The following RIT2 variants were observed in gnomAD, a reference collection of about 807,000 sequenced individuals.
The protein encoded by RIT2 is Ras like without CAAX 2.
RIT2 carries 24 observed loss-of-function variants against 23.7 expected under a neutral mutation model. That is an observed-to-expected ratio of 1.01 (90% CI 0.73 to 1.43). The LOEUF is 1.43. Ranked by LOEUF, RIT2 falls within the 40% of genes most tolerant of loss-of-function variation. RIT2 has a pLI of 0.00. For missense variants in RIT2, 236 were observed against 266.9 expected, an observed-to-expected ratio of 0.88 and a Z score of 0.81; for synonymous variants, 107 against 91.1, an observed-to-expected ratio of 1.17 and a Z score of -0.99.
At chr18:43,006,797 T>C (rs896325284) in intron 2 of RIT2, among the ~76,000 whole-genome samples, 10 of 151,516 alleles carry the variant, frequency 6.6e-5, no homozygotes, top group African/African-American at 1.9e-4. Context: ...AAAACTATAA[T>C]TCAAGATGAT....
At chr18:42,804,515 ACTGCACTCCAGC>A (rs1905624535) in intron 4 of RIT2, among the ~76,000 whole-genome samples, 1 of 147,490 alleles carries the variant, frequency 6.8e-6, no homozygotes, top group African/African-American at 2.5e-5. Flanking sequence ...AGATTGCGCC[ACTGCACTCCAGC>A]CTGGGCGACA....
At chr18:42,905,409 T>C (rs1301353330) in intron 4 of RIT2, among the ~76,000 whole-genome samples, 1 of 152,206 alleles carries the variant, frequency 6.6e-6, no homozygotes, top group Non-Finnish European at 1.5e-5. Context: ...AATATTACAG[T>C]AGGTAAAACA....
intron 1 of RIT2, among the ~76,000 whole-genome samples, chr18:43,114,816 C>T (rs1289534863): frequency 1.3e-5 from 2 of 152,090 alleles, no homozygotes; most frequent in African/African-American, 4.8e-5. Flanking sequence ...CTTTAATTGA[C>T]CACAAAGTTT....
At chr18:42,832,169 C>T (rs1347220937) in intron 4 of RIT2, among the ~76,000 whole-genome samples, 2 of 152,058 alleles carry the variant, frequency 1.3e-5, no homozygotes, top group African/African-American at 2.4e-5. Flanking sequence ...AGGAGGAAAT[C>T]GATAGAGAGG....
At chr18:42,970,189 C>G (rs942747861) in intron 3 of RIT2, among the ~76,000 whole-genome samples, 7 of 150,746 alleles carry the variant, frequency 4.6e-5, no homozygotes, top group Non-Finnish European at 1.0e-4. Flanking sequence ...TTTTTTTTTT[C>G]AGGAGATAGA....
intron 4 of RIT2, among the ~76,000 whole-genome samples, chr18:42,857,110 A>T (rs567616555): frequency 7.1e-6 from 1 of 140,328 alleles, no homozygotes; most frequent in Non-Finnish European, 1.5e-5. Flanking sequence ...GTGAGCCAGC[A>T]GGCCCGGCCA....
intron 4 of RIT2, among the ~76,000 whole-genome samples, chr18:42,780,961 G>A (rs994706992): frequency 6.6e-5 from 10 of 151,870 alleles, no homozygotes; most frequent in Non-Finnish European, 1.5e-4. Context: ...TATATATGAG[G>A]AAACTGAGGC....
chr18:43,031,379 C>T (rs761079526), intron 2 of RIT2, among the ~76,000 whole-genome samples: 5 of 151,534 alleles, frequency 3.3e-5, no homozygotes, highest in Admixed American at 2.0e-4. Context: ...CAAATAGACC[C>T]GTGAACAGAC....
intron 4 of RIT2, among the ~76,000 whole-genome samples, chr18:42,795,362 G>T (rs1394360490): frequency 6.6e-6 from 1 of 152,220 alleles, no homozygotes; most frequent in African/African-American, 2.4e-5. Flanking sequence ...GGCAATGAGG[G>T]ACTTAGCACC....
At chr18:42,943,179 C>T (rs1909645678) in intron 3 of RIT2, among the ~76,000 whole-genome samples, 1 of 152,102 alleles carries the variant, frequency 6.6e-6, no homozygotes, top group Admixed American at 6.6e-5. Flanking sequence ...TGTTCTGTTT[C>T]TGTCCTATCA....
chr18:43,108,533 A>G (rs1265650889), intron 1 of RIT2, among the ~76,000 whole-genome samples: 1 of 152,140 alleles, frequency 6.6e-6, no homozygotes, highest in Non-Finnish European at 1.5e-5. Flanking sequence ...ATGTGGGCTC[A>G]TTGAGGGATT....
At position 42,743,685 on chromosome 18, in the gene RIT2, T is replaced by C. The variant is rs1163484122; in HGVS notation, c.462A>G (p.Glu154=). 2.5e-6 allele frequency: 4 copies of C among 1,613,756 alleles called. No individual in the cohort carries two copies. The highest frequency in any genetic ancestry group is 3.4e-6 in the Non-Finnish European group (4 of 1,179,890). ...STEEGLSLAQ[E]YNCGFFETSA... The stretch of plus-strand genomic sequence containing the variant: ...AGGTCTCAAAAAAACCACAATTATA[T>C]TCTTGGGCAAGACTCAAGCCTTCTT... Residue 154 remains glutamate (E), a synonymous_variant, in exon 5 of 5, where the codon GAA becomes GAG. Coordinates refer to ENST00000326695, the MANE Select transcript of RIT2 (RefSeq NM_002930.4).
intron 1 of RIT2, among the ~76,000 whole-genome samples, chr18:43,105,319 C>T (rs1206045173): frequency 6.6e-6 from 1 of 151,964 alleles, no homozygotes; most frequent in Non-Finnish European, 1.5e-5. Context: ...GGTGCATATA[C>T]AATGGCAGTT....
chr18:42,920,821 A>G, intron 4 of RIT2: 1 of 1,073,302 alleles, frequency 9.3e-7, no homozygotes, highest in East Asian at 2.4e-5. Flanking sequence ...ACCACTAAAC[A>G]ATAGCACCAG....
chr18:42,963,693 A>C (rs1380019049), intron 3 of RIT2, among the ~76,000 whole-genome samples: 1 of 152,080 alleles, frequency 6.6e-6, no homozygotes, highest in Non-Finnish European at 1.5e-5. Flanking sequence ...AGGAGTTTGA[A>C]ATCAGCCTGG....
At chr18:43,047,764 T>A (rs896339699) in intron 1 of RIT2, among the ~76,000 whole-genome samples, 1 of 152,140 alleles carries the variant, frequency 6.6e-6, no homozygotes, top group African/African-American at 2.4e-5. Context: ...TGGAGCATGG[T>A]TAGAAAATTT....
chr18:43,031,856 T>C (rs1020032523), intron 2 of RIT2, among the ~76,000 whole-genome samples: 5 of 152,104 alleles, frequency 3.3e-5, no homozygotes, highest in Admixed American at 1.3e-4. Flanking sequence ...ATAGGTGTTA[T>C]TCTTTTATAA....
intron 1 of RIT2, among the ~76,000 whole-genome samples, chr18:43,081,912 C>T (rs781133466): frequency 4.6e-5 from 7 of 152,060 alleles, no homozygotes; most frequent in Non-Finnish European, 1.0e-4. Context: ...TTCCTTCCTT[C>T]CTGACTACTT....
At chr18:42,815,126 C>G (rs1185043942) in intron 4 of RIT2, among the ~76,000 whole-genome samples, 2 of 152,110 alleles carry the variant, frequency 1.3e-5, no homozygotes, top group East Asian at 1.9e-4. Context: ...TTGCATCCCC[C>G]CAAAATCACA....
Sources: allele counts gnomAD v4.1 joint callset (sites outside exome capture counted in the v4.1 genomes callset), GRCh38; gene constraint gnomAD v4.1.1; transcripts MANE v1.5; gene names NCBI Gene and HGNC (gene_info 2026-07-23, HGNC 2026-07-21).